RBMS3: variants seen among roughly 807,000 people sequenced by gnomAD.
RBMS3 encodes the protein RNA-binding motif, single-stranded-interacting protein 3.
In RBMS3, 27 loss-of-function variants were observed where a neutral mutation model predicts 66.8. That is an observed-to-expected ratio of 0.40 (90% CI 0.30 to 0.56). The LOEUF is 0.56. Ranked by LOEUF, RBMS3 falls within the 20% of genes least tolerant of loss-of-function variation. RBMS3 has a pLI of 0.40. For missense variants in RBMS3, 513 were observed against 549.5 expected (o/e 0.93, Z 0.66); for synonymous variants, 188 against 183.0 (o/e 1.03, Z -0.22).
intron 1 of RBMS3, among the ~76,000 whole-genome samples, chr3:29,330,424 A>G (rs1355668320): frequency 2.0e-5 from 3 of 152,274 alleles, no homozygotes; most frequent in Middle Eastern, 3.4e-3. Flanking sequence ...TTTAAACTAA[A>G]CTACTTTATC....
intron 10 of RBMS3, among the ~76,000 whole-genome samples, chr3:29,920,427 TC>T (rs1187501464): frequency 6.6e-6 from 1 of 152,176 alleles, no homozygotes; most frequent in Non-Finnish European, 1.5e-5. Context: ...ATTGTTGTTT[TC>T]CAAAGCCACA....
chr3:29,382,456 G>GT (rs2038807060), intron 1 of RBMS3, among the ~76,000 whole-genome samples: 1 of 152,182 alleles, frequency 6.6e-6, no homozygotes, highest in African/African-American at 2.4e-5. Flanking sequence ...GTGTTGCAAG[G>GT]TTTTGTCTGT....
At chr3:29,559,753 G>A (rs956390827) in intron 3 of RBMS3, among the ~76,000 whole-genome samples, 3 of 152,060 alleles carry the variant, frequency 2.0e-5, no homozygotes, top group African/African-American at 7.2e-5. Flanking sequence ...ATGAATGAAT[G>A]AAATCAATGA....
intron 12 of RBMS3, among the ~76,000 whole-genome samples, chr3:29,949,264 A>C (rs1441161898): frequency 1.3e-5 from 2 of 151,674 alleles, no homozygotes; most frequent in East Asian, 3.9e-4. Flanking sequence ...CTCATCTTCT[A>C]ATCCAGCAAG....
chr3:29,820,448 C>G (rs952035312), intron 6 of RBMS3, among the ~76,000 whole-genome samples: 3 of 151,506 alleles, frequency 2.0e-5, no homozygotes, highest in Non-Finnish European at 4.4e-5. Context: ...TGATAGATTC[C>G]ATGTTAATTT....
At chr3:29,713,660 A>G (rs1440434493) in intron 4 of RBMS3, among the ~76,000 whole-genome samples, 1 of 152,204 alleles carries the variant, frequency 6.6e-6, no homozygotes, top group Admixed American at 6.5e-5. Context: ...AAAATGTTTT[A>G]TACTTTAATG....
intron 4 of RBMS3, among the ~76,000 whole-genome samples, chr3:29,701,931 G>C (rs185431736): frequency 6.6e-6 from 1 of 152,208 alleles, no homozygotes; most frequent in Non-Finnish European, 1.5e-5. Flanking sequence ...GCAGGCCCTC[G>C]GTGTGGGACT....
chr3:29,368,299 T>C (rs1023692867), intron 1 of RBMS3, among the ~76,000 whole-genome samples: 4 of 152,184 alleles, frequency 2.6e-5, no homozygotes, highest in Non-Finnish European at 4.4e-5. Flanking sequence ...CTATTAGTAC[T>C]TAGCCTGATC....
intron 12 of RBMS3, among the ~76,000 whole-genome samples, chr3:29,963,678 A>G (rs1048214615): frequency 6.6e-6 from 1 of 152,026 alleles, no homozygotes; most frequent in African/African-American, 2.4e-5. Flanking sequence ...AAATACAAAA[A>G]TTAATTGGGT....
At chr3:29,535,710 CTTTTTTTTT>C (rs149022808) in intron 3 of RBMS3, among the ~76,000 whole-genome samples, 19 of 39,746 alleles carry the variant, frequency 4.8e-4, no homozygotes, top group South Asian at 1.6e-3. Flanking sequence ...GATCATTGCT[CTTTTTTTTT>C]TTTTTTTTTT....
At chr3:29,626,447 T>A (rs886558366) in intron 4 of RBMS3, among the ~76,000 whole-genome samples, 1 of 152,136 alleles carries the variant, frequency 6.6e-6, no homozygotes. Context: ...TTCTAACCTG[T>A]GGAAGATACA....
intron 1 of RBMS3, among the ~76,000 whole-genome samples, chr3:29,388,563 T>C (rs2039119906): frequency 6.6e-6 from 1 of 152,210 alleles, no homozygotes; most frequent in Non-Finnish European, 1.5e-5. Flanking sequence ...ACTGCCAATC[T>C]GTGCACTGGC....
At chr3:29,285,449 A>G (rs986789823) in intron 1 of RBMS3, among the ~76,000 whole-genome samples, 1 of 152,162 alleles carries the variant, frequency 6.6e-6, no homozygotes, top group Non-Finnish European at 1.5e-5. Context: ...AAGCACACAC[A>G]GCAAGTTTCT....
At chr3:29,371,894 C>T (rs1435225891) in intron 1 of RBMS3, among the ~76,000 whole-genome samples, 5 of 152,094 alleles carry the variant, frequency 3.3e-5, no homozygotes, top group Admixed American at 6.5e-5. Context: ...TCCATATCCT[C>T]GTCACCTTTA....
chr3:29,613,029 C>T (rs916358677), intron 4 of RBMS3, among the ~76,000 whole-genome samples: 1 of 152,118 alleles, frequency 6.6e-6, no homozygotes, highest in African/African-American at 2.4e-5. Flanking sequence ...AGCACCAGGG[C>T]TGCATTCGTG....
chr3:29,291,582 C>A (rs189242541), intron 1 of RBMS3, among the ~76,000 whole-genome samples: 156 of 151,844 alleles, frequency 1.0e-3, no homozygotes, highest in African/African-American at 3.6e-3. Flanking sequence ...GGGGAGTAGG[C>A]AAGAGGCAAA....
chr3:29,475,908 A>T (rs949590566), intron 2 of RBMS3, among the ~76,000 whole-genome samples: 2 of 152,194 alleles, frequency 1.3e-5, no homozygotes, highest in African/African-American at 4.8e-5. Flanking sequence ...GATCTATAAG[A>T]CAACATTACA....
At chr3:29,608,716 A>G (rs543348053) in intron 4 of RBMS3, among the ~76,000 whole-genome samples, 1 of 152,140 alleles carries the variant, frequency 6.6e-6, no homozygotes, top group East Asian at 1.9e-4. Flanking sequence ...ATTCACCAAA[A>G]CTGCTTAGGG....
chr3:29,542,832 G>C (rs925645018), intron 3 of RBMS3, among the ~76,000 whole-genome samples: 7 of 152,098 alleles, frequency 4.6e-5, no homozygotes, highest in African/African-American at 1.7e-4. Flanking sequence ...TCAAAGACTA[G>C]CCTCTTGCTT....
Sources: allele counts gnomAD v4.1 joint callset (sites outside exome capture counted in the v4.1 genomes callset), GRCh38; gene constraint gnomAD v4.1.1; transcripts MANE v1.5; gene names NCBI Gene and HGNC (gene_info 2026-07-23, HGNC 2026-07-21).